The following HACD1 variants were observed in gnomAD, a reference collection of about 807,000 sequenced individuals.
The protein encoded by HACD1 is very-long-chain (3R)-3-hydroxyacyl-CoA dehydratase 1.
HACD1 carries 41 observed loss-of-function variants against 32.0 expected under a neutral mutation model. That is an observed-to-expected ratio of 1.28 (90% confidence interval 1.00 to 1.66). HACD1 has a LOEUF of 1.66. Ranked by LOEUF, HACD1 falls within the 40% of genes most tolerant of loss-of-function variation. The pLI is 0.00. For missense variants in HACD1, 396 were observed against 380.1 expected, an observed-to-expected ratio of 1.04 and a Z score of -0.35; for synonymous variants, 142 against 139.0, an observed-to-expected ratio of 1.02 and a Z score of -0.15.
intron 5 of HACD1, among the ~76,000 whole-genome samples, chr10:17,595,757 C>A (rs1414911678): frequency 6.6e-6 from 1 of 151,928 alleles, no homozygotes; most frequent in African/African-American, 2.4e-5. Context: ...ATAACAGTTA[C>A]CACAGAAAAC....
chr10:17,594,887 C>T (rs1554815882), intron 5 of HACD1, among the ~76,000 whole-genome samples: 1 of 143,722 alleles, frequency 7.0e-6, no homozygotes, highest in East Asian at 2.1e-4. Context: ...GAGATGGAGT[C>T]TTACTCTGTC....
intron 4 of HACD1, 114 bp downstream of exon 4, chr10:17,603,446 C>A: frequency 1.0e-6 from 1 of 990,006 alleles, no homozygotes. Flanking sequence ...AAACCCAACT[C>A]CTTTTTGTCC....
At chr10:17,607,951 C>G (rs570870689) in intron 1 of HACD1, among the ~76,000 whole-genome samples, 1 of 152,110 alleles carries the variant, frequency 6.6e-6, no homozygotes, top group Non-Finnish European at 1.5e-5. Flanking sequence ...CTTCATCTAT[C>G]GGTTTAGTAA....
At chr10:17,604,775 G>A (rs1834122685) in intron 1 of HACD1, among the ~76,000 whole-genome samples, 1 of 152,146 alleles carries the variant, frequency 6.6e-6, no homozygotes, top group South Asian at 2.1e-4. Context: ...GCGCAGTCTT[G>A]CCTCACTGCT....
rs200314155 is a variant in HACD1 at position 17,605,527 on chromosome 10, GAAA to G, written c.258-1483_258-1481del. ...GTGACAGAGCAAGACTCCATCTCGGGAAAAAAAAAAAAAAAGTCATCAATTAAT... is the reference window on the plus strand; with the variant it reads ...GTGACAGAGCAAGACTCCATCTCGGGAAAAAAAAAAAAGTCATCAATTAAT... On this transcript the variant is annotated intron_variant, in intron 1 of 6. Coordinates refer to ENST00000361271, the MANE Select transcript of HACD1 (RefSeq NM_014241.4). Among the ~76,000 whole-genome samples the G allele has an allele frequency of 6.7e-3, 843 of 126,602 alleles. 7 individuals are homozygous for G. Among genetic ancestry groups the G allele is most frequent in the African/African-American group, 0.022 (782 of 35,016 alleles). The allele number at this position is 126,602 out of a possible 152,430, so 83.1% of individuals were successfully genotyped here.
At chr10:17,606,749 T>C (rs797029894) in intron 1 of HACD1, among the ~76,000 whole-genome samples, 19 of 152,326 alleles carry the variant, frequency 1.2e-4, no homozygotes, top group African/African-American at 4.6e-4. Context: ...AGTAAATATC[T>C]GAAAGGACCA....
intron 1 of HACD1, among the ~76,000 whole-genome samples, chr10:17,606,482 G>A (rs1554817072): frequency 6.6e-6 from 1 of 152,174 alleles, no homozygotes; most frequent in East Asian, 1.9e-4. Context: ...AGCTACCCTA[G>A]TCTTTTAGAT....
Position 17,608,869 on chromosome 10 carries a change from T to A in HACD1, c.258-4822A>T, listed in dbSNP as rs1834186682. ...ATACTTTTGTTTAGCAGCCAATATG[T>A]GAGTGCTTCAACTGATTGTACACCA... is the stretch of plus-strand genomic sequence containing the variant. On this transcript the variant is annotated intron_variant, in intron 1 of 6. Transcript: ENST00000361271. Among the ~76,000 whole-genome samples, 4 of 152,292 alleles carry A rather than the reference T, an allele frequency of 2.6e-5. 1 individual carries two copies. The South Asian group carries it at 8.3e-4, about 32-fold the overall frequency.
chr10:17,594,098 T>G (rs1833963903), intron 6 of HACD1, 107 bp downstream of exon 6: 2 of 1,056,458 alleles, frequency 1.9e-6, no homozygotes, highest in East Asian at 5.9e-5. Context: ...AGTTTTAATG[T>G]ATTTGTAAGC....
intron 1 of HACD1, among the ~76,000 whole-genome samples, chr10:17,605,870 T>C (rs530392841): frequency 2.6e-4 from 39 of 151,754 alleles, no homozygotes; most frequent in Admixed American, 2.3e-3. Flanking sequence ...AGGAGAATTG[T>C]TTGAACCCAT....
rs576999408 is a variant in HACD1 at position 17,594,718 on chromosome 10, C to A, written c.606-335G>T. Reference sequence around the variant, plus strand: ...GATGGAGTTCGCTCTTGTCACCAGGCTGGAGTGCAGCGGCACAGTCTTGGC... The same window carrying A: ...GATGGAGTTCGCTCTTGTCACCAGGATGGAGTGCAGCGGCACAGTCTTGGC... On this transcript the variant is annotated intron_variant, in intron 5 of 6. Coordinates refer to ENST00000361271, the MANE Select transcript of HACD1 (RefSeq NM_014241.4). Among the ~76,000 whole-genome samples the A allele has an allele frequency of 1.5e-3, 235 of 152,224 alleles. 1 individual carries two copies. Among genetic ancestry groups the A allele is most frequent in the Non-Finnish European group, 2.8e-3 (190 of 68,010 alleles).
intron 1 of HACD1, among the ~76,000 whole-genome samples, chr10:17,607,890 A>T (rs10508533): frequency 6.6e-6 from 1 of 152,024 alleles, no homozygotes; most frequent in Non-Finnish European, 1.5e-5. Context: ...AAAGGGTGAC[A>T]GTCAAAGAAA....
intron 1 of HACD1, among the ~76,000 whole-genome samples, chr10:17,604,261 G>A (rs1422491241): frequency 2.0e-5 from 3 of 152,218 alleles, no homozygotes; most frequent in Admixed American, 6.5e-5. Flanking sequence ...CAAGACGGGC[G>A]GATCACGAGG....
At position 17,617,229 on chromosome 10, in the gene HACD1, C is replaced by T. The variant is rs1554818262; in HGVS notation, c.111G>A (p.Ala37=). 2.7e-6 allele frequency: 4 copies of T among 1,491,156 alleles called. No individual in the cohort carries two copies. The highest frequency in any genetic ancestry group is 3.6e-6 in the Non-Finnish European group (4 of 1,125,812). 92.4% of individuals were successfully genotyped at this position (1,491,156 alleles called of 1,614,324 possible). A position where few individuals can be genotyped will look rare whatever the true frequency, so the allele number is the denominator to read the frequency against. The change falls in exon 1 of 7, where the codon GCG becomes GCA. Residue 37 remains alanine, a synonymous_variant. Coordinates refer to ENST00000361271, the MANE Select transcript of HACD1 (RefSeq NM_014241.4). ...CCTCGTCGCTGGACGCCATGGTGGC[C>T]GCGCACCTGGGGGACGTGGGAGACA... ...LPLSPTSPRC[A]ATMASSDEDG...
chr10:17,593,604 G>T (rs140412756), intron 6 of HACD1, among the ~76,000 whole-genome samples: 1 of 152,148 alleles, frequency 6.6e-6, no homozygotes, highest in Non-Finnish European at 1.5e-5. Context: ...CATGAGCCAC[G>T]GAGCCCTGCC....
At chr10:17,615,651 A>G (rs1564513096) in intron 1 of HACD1, 1 of 189,234 alleles carries the variant, frequency 5.3e-6, no homozygotes, top group Non-Finnish European at 1.1e-5. Context: ...GTGAGAGGCC[A>G]TCTCTATTTT....
intron 1 of HACD1, chr10:17,615,827 C>G (rs994306446): frequency 2.3e-6 from 1 of 431,060 alleles, no homozygotes; most frequent in Non-Finnish European, 4.7e-6. Context: ...ATTAATGGGG[C>G]GTGGTGGCCC....
At chr10:17,611,297 C>G (rs1261146407) in intron 1 of HACD1, among the ~76,000 whole-genome samples, 1 of 152,100 alleles carries the variant, frequency 6.6e-6, no homozygotes, top group Non-Finnish European at 1.5e-5. Context: ...GCGCCCGGCC[C>G]AAGCCCTCTT....
At chr10:17,592,252 G>A (rs565718855) in intron 6 of HACD1, among the ~76,000 whole-genome samples, 1 of 151,946 alleles carries the variant, frequency 6.6e-6, no homozygotes, top group Non-Finnish European at 1.5e-5. Context: ...AAAGTGCTGC[G>A]ATTACAGGTG....
Sources: gnomAD v4.1 joint callset for allele counts (sites outside exome capture counted in the v4.1 genomes callset) on GRCh38, gnomAD v4.1.1 for gene constraint, MANE v1.5 for transcripts, NCBI Gene and HGNC (gene_info 2026-07-23, HGNC 2026-07-21) for gene names.